The following PLEKHH2 variants were observed in gnomAD, a reference collection of about 807,000 sequenced individuals.
The protein encoded by PLEKHH2 is pleckstrin homology, MyTH4 and FERM domain containing H2, also known as pleckstrin homology domain-containing family H member 2.
A neutral mutation model predicts 187.9 loss-of-function variants in PLEKHH2; 129 were observed. That is an observed-to-expected ratio of 0.69 (90% CI 0.59 to 0.79). The LOEUF (loss-of-function observed/expected upper bound fraction) is 0.79, where lower values mean the gene tolerates loss of function less well. Among genes scored for constraint, PLEKHH2 ranks in the 30% least tolerant of loss-of-function variants. The pLI is 0.00. For synonymous variants in PLEKHH2, 686 were observed against 605.6 expected (o/e 1.13, Z -1.95); for missense variants, 2,076 against 1,751.2 (o/e 1.19, Z -3.31).
chr2:43,736,677 T>TA (rs992234626), intron 19 of PLEKHH2, among the ~76,000 whole-genome samples: 1 of 151,874 alleles, frequency 6.6e-6, no homozygotes, highest in Non-Finnish European at 1.5e-5. Flanking sequence ...CTACTAAAAA[T>TA]AAAAAAATTA....
Position 43,743,815 on chromosome 2 carries a change from C to G in PLEKHH2, c.3400-19C>G. ...TATATATTTCTTATTAAGAGAACTG[C>G]TTTGTTATTTCTGTCTAGGTAGTTG... is the stretch of plus-strand genomic sequence containing the variant. On this transcript the variant is annotated intron_variant, in intron 22 of 29. Coordinates refer to ENST00000282406, the MANE Select transcript of PLEKHH2 (RefSeq NM_172069.4). The G allele has an allele frequency of 1.3e-6, 2 of 1,599,918 alleles. No individual in the cohort carries two copies. Among genetic ancestry groups the G allele is most frequent in the Non-Finnish European group, 1.7e-6 (2 of 1,169,264 alleles).
In PLEKHH2 at chr2:43,706,778, TAAA is replaced by T. The variant is rs372144737; in HGVS notation, c.1821+364_1821+366del. The stretch of plus-strand genomic sequence containing the variant: ...CCCCTTCCTTGCTTGAAGTATTAAT[TAAA>T]AGAAGGATTGCAGGTATTGACAACC... On this transcript the variant is annotated intron_variant, in intron 10 of 29. Coordinates refer to ENST00000282406, the MANE Select transcript of PLEKHH2 (RefSeq NM_172069.4). 1.2e-4 allele frequency among the ~76,000 whole-genome samples: 18 copies of T among 152,320 alleles called. No homozygotes were observed. In the East Asian group the frequency reaches 1.9e-3, roughly 16 times the overall value.
chr2:43,638,132 GTTC>G (rs1703202359), intron 1 of PLEKHH2, among the ~76,000 whole-genome samples: 1 of 152,158 alleles, frequency 6.6e-6, no homozygotes, highest in Admixed American at 6.5e-5. Flanking sequence ...GAGCTCGGCT[GTTC>G]TGGGCAGGGT....
In PLEKHH2 at chr2:43,713,099, A is replaced by AACACACACACACACACACAC. The variant is rs10524364; in HGVS notation, c.2460+734_2460+735insACACACACACACACACACAC. 4.5e-3 allele frequency among the ~76,000 whole-genome samples: 683 copies of AACACACACACACACACACAC among 150,768 alleles called. 7 individuals carry two copies. Among genetic ancestry groups the AACACACACACACACACACAC allele is most frequent in the African/African-American group, 0.016 (652 of 41,042 alleles). On this transcript the variant is annotated intron_variant, in intron 15 of 29. Coordinates refer to ENST00000282406, the MANE Select transcript of PLEKHH2 (RefSeq NM_172069.4). ...TGAGTGAACAAATCAATATCAAATC[A>AACACACACACACACACACAC]ACACACACACACACACACGCATATA...
chr2:43,767,054 T>C lies in PLEKHH2; in HGVS notation c.*1456T>C, dbSNP rs1023526428. 1 of 152,798 alleles carries C rather than the reference T, an allele frequency of 6.5e-6. No individual in the cohort carries two copies. Among genetic ancestry groups the C allele is most frequent in the African/African-American group, 2.4e-5 (1 of 41,464 alleles). The allele number at this position is 152,798 out of a possible 1,614,324, so 9.5% of individuals were successfully genotyped here. A position where few individuals can be genotyped will look rare whatever the true frequency, so the allele number is the denominator to read the frequency against. On this transcript the variant is annotated 3_prime_UTR_variant, in exon 30 of 30. Coordinates refer to ENST00000282406, the MANE Select transcript of PLEKHH2 (RefSeq NM_172069.4). ...ACAACAGTGTAGTTCATATTCATGA[T>C]AAAAATGAAACTGTGATAAGACATG...
At chr2:43,752,969 T>A (rs1231039662) in intron 24 of PLEKHH2, among the ~76,000 whole-genome samples, 1 of 152,248 alleles carries the variant, frequency 6.6e-6, no homozygotes, top group African/African-American at 2.4e-5. Flanking sequence ...TCTTTCAGAT[T>A]CCCAGAGAAA....
Position 43,767,850 on chromosome 2 carries a change from A to T in PLEKHH2, c.*2252A>T, listed in dbSNP as rs1672675224. ...TGATGTGAAAATTTTATTTTCTGGG[A>T]AATTATATAGCCATTCAAAAATTCA... On this transcript the variant is annotated 3_prime_UTR_variant, in exon 30 of 30. Transcript: ENST00000282406. 1 of 152,770 alleles carries T rather than the reference A, an allele frequency of 6.5e-6. No individual in the cohort carries two copies. The allele number at this position is 152,770 out of a possible 1,614,324, so 9.5% of individuals were successfully genotyped here.
intron 16 of PLEKHH2, among the ~76,000 whole-genome samples, chr2:43,723,818 G>C (rs916628651): frequency 6.6e-6 from 1 of 152,176 alleles, no homozygotes; most frequent in Non-Finnish European, 1.5e-5. Flanking sequence ...ACATGATCTT[G>C]CCTGTGTCTA....
intron 11 of PLEKHH2, 33 bp downstream of exon 11, chr2:43,707,578 C>G: frequency 6.2e-7 from 1 of 1,606,462 alleles, no homozygotes; most frequent in Non-Finnish European, 8.5e-7. Context: ...TGAGGCAACT[C>G]CAGATCATTC....
chr2:43,758,679 G>A (rs1373148708), intron 26 of PLEKHH2, among the ~76,000 whole-genome samples: 2 of 152,172 alleles, frequency 1.3e-5, no homozygotes, highest in Non-Finnish European at 1.5e-5. Flanking sequence ...AGTTCATGCC[G>A]AAAACACGAA....
rs1434115020 is a variant in PLEKHH2, at chr2:43,707,529, C to T, written c.1950C>T (p.Pro650=). ...GCAGTAGGAGTGGGCCAGGCAGCCC[C>T]AGAGCCATGAAACGAGGTGAGGGAA... ...DSRSRSGPGS[P]RAMKRGVSLS... Residue 650 remains proline, a synonymous_variant, in exon 11 of 30, where the codon CCC becomes CCT. Coordinates refer to ENST00000282406, the MANE Select transcript of PLEKHH2 (RefSeq NM_172069.4). 2.5e-6 allele frequency: 4 copies of T among 1,613,926 alleles called. No homozygotes were observed.
Position 43,678,883 on chromosome 2 carries a change from A to T in PLEKHH2, c.144A>T (p.Gln48His). The T allele has an allele frequency of 6.2e-7, 1 of 1,607,260 alleles. No homozygotes were observed. Among genetic ancestry groups the T allele is most frequent in the South Asian group, 1.1e-5 (1 of 90,206 alleles). ...TACAGATGCAACAGCTTGAGAGACA[A>T]GTTATTGATGCTGAACGTCAAGCAG... Reference protein sequence around the residue: ...LAEKMQQLERQVIDAERQAEK... With the variant: ...LAEKMQQLERHVIDAERQAEK... Residue 48 changes from glutamine to histidine, a missense_variant, in exon 3 of 30, where the codon CAA (glutamine) becomes CAT (histidine). Coordinates refer to ENST00000282406, the MANE Select transcript of PLEKHH2 (RefSeq NM_172069.4).
chr2:43,735,339 T>G (rs1270395980), intron 19 of PLEKHH2, among the ~76,000 whole-genome samples: 1 of 152,182 alleles, frequency 6.6e-6, no homozygotes, highest in Non-Finnish European at 1.5e-5. Flanking sequence ...ACAAATATCT[T>G]ATGTTTTCAC....
intron 23 of PLEKHH2, among the ~76,000 whole-genome samples, chr2:43,744,333 A>G (rs942800274): frequency 6.6e-6 from 1 of 152,202 alleles, no homozygotes; most frequent in Non-Finnish European, 1.5e-5. Flanking sequence ...AAGCTATTTT[A>G]TTGTATCCCA....
chr2:43,688,703 A>G (rs1668645585), intron 3 of PLEKHH2, among the ~76,000 whole-genome samples: 1 of 152,138 alleles, frequency 6.6e-6, no homozygotes, highest in African/African-American at 2.4e-5. Flanking sequence ...TTACAGTGAA[A>G]AGATACAGAT....
At chr2:43,667,299 C>A (rs1667264521) in intron 2 of PLEKHH2, among the ~76,000 whole-genome samples, 1 of 152,100 alleles carries the variant, frequency 6.6e-6, no homozygotes, top group African/African-American at 2.4e-5. Flanking sequence ...TAATAACAAG[C>A]ATTATATGAA....
At chr2:43,677,905 G>C (rs1197684551) in intron 2 of PLEKHH2, among the ~76,000 whole-genome samples, 2 of 43,280 alleles carry the variant, frequency 4.6e-5, no homozygotes, top group Middle Eastern at 9.8e-3. Context: ...CCTCCAGGAC[G>C]GGGCGGCTGG....
chr2:43,713,785 A>C (rs768007640), intron 15 of PLEKHH2, among the ~76,000 whole-genome samples: 4 of 151,870 alleles, frequency 2.6e-5, no homozygotes, highest in Non-Finnish European at 5.9e-5. Context: ...CTCCTCATTC[A>C]TGTACTCTGA....
chr2:43,701,613 C>T (rs939692009), intron 8 of PLEKHH2, among the ~76,000 whole-genome samples: 2 of 151,642 alleles, frequency 1.3e-5, no homozygotes, highest in African/African-American at 2.4e-5. Context: ...CTTATATAGC[C>T]ATTGGTTTCC....
Sources: gnomAD v4.1 joint callset for allele counts (sites outside exome capture counted in the v4.1 genomes callset) on GRCh38, gnomAD v4.1.1 for gene constraint, MANE v1.5 for transcripts, NCBI Gene and HGNC (gene_info 2026-07-23, HGNC 2026-07-21) for gene names.